Variants in OOEP observed in about 807,000 individuals in gnomAD.
OOEP encodes oocyte-expressed protein homolog.
A neutral mutation model predicts 13.7 loss-of-function variants in OOEP; 16 were observed. That is an observed-to-expected ratio of 1.16 (90% CI 0.79 to 1.77). The LOEUF (loss-of-function observed/expected upper bound fraction) is 1.77, where lower values mean the gene tolerates loss of function less well. Ranked by LOEUF, OOEP falls within the 40% of genes most tolerant of loss-of-function variation. The pLI is 0.00. For synonymous variants in OOEP, 89 were observed against 77.1 expected (o/e 1.15, Z -0.81); for missense variants, 195 against 193.1 (o/e 1.01, Z -0.06).
At chr6:73,371,405 C>G (rs1190174177), upstream of OOEP, among the ~76,000 whole-genome samples, 1 of 151,912 alleles carries the variant, frequency 6.6e-6, no homozygotes, top group Admixed American at 6.6e-5. Flanking sequence ...GAGTTTGAGA[C>G]CAGCCTGACC....
At chr6:73,394,617 G>T (rs575785933) in intron 1 of OOEP, 13 of 322,772 alleles carry the variant, frequency 4.0e-5, no homozygotes, top group East Asian at 2.2e-4. Flanking sequence ...AATACACAGT[G>T]GGGGGGTGGG....
chr6:73,371,422 G>C (rs1428474509), upstream of OOEP, among the ~76,000 whole-genome samples: 7 of 152,012 alleles, frequency 4.6e-5, no homozygotes, highest in East Asian at 1.4e-3. Flanking sequence ...GACCAACATG[G>C]AGAAAACCGG....
intron 2 of OOEP, among the ~76,000 whole-genome samples, chr6:73,382,187 A>C (rs1769218645): frequency 6.8e-6 from 1 of 146,952 alleles, no homozygotes; most frequent in African/African-American, 2.5e-5. Flanking sequence ...ACCTGCGACC[A>C]CAGGCATGCA....
chr6:73,369,096 C>T, intron 2 of OOEP, 110 bp downstream of exon 2: 1 of 1,227,326 alleles, frequency 8.1e-7, no homozygotes, highest in Middle Eastern at 2.8e-4. Flanking sequence ...TCCCTGGGGT[C>T]TGGAAACCAA....
intron 2 of OOEP, among the ~76,000 whole-genome samples, chr6:73,383,547 A>G (rs1769234401): frequency 2.6e-5 from 4 of 152,144 alleles, no homozygotes; most frequent in Admixed American, 2.6e-4. Context: ...AGGCAGGAGA[A>G]TAACTTGAAC....
At chr6:73,388,855 A>T (rs1340721586) in intron 2 of OOEP, among the ~76,000 whole-genome samples, 5 of 152,176 alleles carry the variant, frequency 3.3e-5, no homozygotes, top group Admixed American at 6.5e-5. Context: ...TGCTGCTCCG[A>T]GAGCCAAGGG....
At chr6:73,390,919 A>T (rs1769339223) in intron 2 of OOEP, 3 of 151,548 alleles carry the variant, frequency 2.0e-5, no homozygotes, top group Non-Finnish European at 2.9e-5. Context: ...AATAATAATA[A>T]AAATAAATAA....
At chr6:73,377,048 A>G (rs1238449575) in intron 2 of OOEP, among the ~76,000 whole-genome samples, 1 of 152,128 alleles carries the variant, frequency 6.6e-6, no homozygotes, top group Non-Finnish European at 1.5e-5. Context: ...TCCTTATATA[A>G]TTGTGTTTTA....
At chr6:73,375,774 T>C (rs1769130389) in intron 2 of OOEP, among the ~76,000 whole-genome samples, 1 of 146,730 alleles carries the variant, frequency 6.8e-6, no homozygotes, top group Non-Finnish European at 1.5e-5. Flanking sequence ...CAGCTGTAAA[T>C]TGTCATAATG....
upstream of OOEP, among the ~76,000 whole-genome samples, chr6:73,374,120 C>T (rs192645672): frequency 3.3e-3 from 505 of 151,922 alleles, 2 homozygotes; most frequent in Non-Finnish European, 5.3e-3. Flanking sequence ...TGCACAAGGT[C>T]GAGGCTGCAG....
At chr6:73,376,928 A>G (rs777733924) in intron 2 of OOEP, among the ~76,000 whole-genome samples, 8 of 152,230 alleles carry the variant, frequency 5.3e-5, no homozygotes, top group Non-Finnish European at 1.0e-4. Flanking sequence ...CTGAGATTAC[A>G]GGCGTGAGCC....
chr6:73,380,652 T>C (rs928712873), intron 2 of OOEP, among the ~76,000 whole-genome samples: 4 of 152,218 alleles, frequency 2.6e-5, no homozygotes, highest in African/African-American at 4.8e-5. Flanking sequence ...TGAAATTTTC[T>C]TGAGCGTCAC....
intron 2 of OOEP, among the ~76,000 whole-genome samples, chr6:73,390,881 C>T (rs527306583): frequency 2.1e-4 from 31 of 150,754 alleles, no homozygotes; most frequent in Admixed American, 1.4e-3. Flanking sequence ...GGATTACAGG[C>T]GTGAGCCACT....
chr6:73,377,906 C>T (rs886864640), intron 2 of OOEP, among the ~76,000 whole-genome samples: 5 of 152,058 alleles, frequency 3.3e-5, no homozygotes, highest in Admixed American at 6.6e-5. Context: ...AACTCTTGGC[C>T]GCAAGCGAGC....
intron 2 of OOEP, among the ~76,000 whole-genome samples, chr6:73,383,930 T>A (rs1360453243): frequency 6.6e-6 from 1 of 151,516 alleles, no homozygotes; most frequent in African/African-American, 2.4e-5. Context: ...ACCCCATCTC[T>A]ACAAAAAATA....
intron 2 of OOEP, among the ~76,000 whole-genome samples, chr6:73,385,609 TC>T (rs1769262580): frequency 6.6e-6 from 1 of 151,682 alleles, no homozygotes; most frequent in Admixed American, 6.6e-5. Context: ...TTTTTTTTTT[TC>T]GGAGTCTCAC....
At chr6:73,387,616 G>C (rs1277032364) in intron 2 of OOEP, 1 of 152,036 alleles carries the variant, frequency 6.6e-6, no homozygotes, top group African/African-American at 2.4e-5. Flanking sequence ...GATTGAGACG[G>C]AGTCTCACTC....
intron 2 of OOEP, among the ~76,000 whole-genome samples, chr6:73,389,475 C>T (rs1406306887): frequency 6.6e-6 from 1 of 151,988 alleles, no homozygotes; most frequent in Non-Finnish European, 1.5e-5. Context: ...TTTCTACTTG[C>T]TTAGTGAATG....
At chr6:73,370,400 C>A (rs919750597), upstream of OOEP, among the ~76,000 whole-genome samples, 4 of 152,168 alleles carry the variant, frequency 2.6e-5, no homozygotes, top group Middle Eastern at 3.2e-3. Flanking sequence ...AGACAATTTT[C>A]CTTTATTTCC....
Sources: allele counts gnomAD v4.1 joint callset (sites outside exome capture counted in the v4.1 genomes callset), GRCh38; gene constraint gnomAD v4.1.1; transcripts MANE v1.5; gene names NCBI Gene and HGNC (gene_info 2026-07-23, HGNC 2026-07-21).